Variants in CNTNAP2 observed in about 807,000 individuals in gnomAD.
CNTNAP2 encodes the protein contactin associated protein 2, also known as contactin-associated protein-like 2.
Under a neutral mutation model 155.2 loss-of-function variants are expected in CNTNAP2, and 98 were observed. The ratio of observed to expected loss-of-function variants is 0.63; its 90% confidence interval spans 0.54 to 0.75. CNTNAP2 has a LOEUF of 0.75. CNTNAP2 is among the 30% of genes least tolerant of loss of function. The pLI, the probability that CNTNAP2 is intolerant of heterozygous loss-of-function variation, is 0.00. For missense variants in CNTNAP2, 1,727 were observed against 1,688.1 expected, an observed-to-expected ratio of 1.02 and a Z score of -0.40; for synonymous variants, 651 against 631.2, an observed-to-expected ratio of 1.03 and a Z score of -0.47.
intron 3 of CNTNAP2, among the ~76,000 whole-genome samples, chr7:147,039,835 C>T (rs992480809): frequency 2.0e-5 from 3 of 152,050 alleles, no homozygotes; most frequent in African/African-American, 7.2e-5. Context: ...AAATGTAAAA[C>T]CCAAAATTAT....
chr7:148,399,600 T>C (rs1309214714), intron 22 of CNTNAP2, among the ~76,000 whole-genome samples: 5 of 152,224 alleles, frequency 3.3e-5, no homozygotes, highest in Admixed American at 3.3e-4. Context: ...AAGATAACCA[T>C]TTATTAAACT....
chr7:146,974,658 T>C (rs1797871814), intron 3 of CNTNAP2, among the ~76,000 whole-genome samples: 1 of 152,160 alleles, frequency 6.6e-6, no homozygotes, highest in Admixed American at 6.5e-5. Flanking sequence ...AGCATATTGA[T>C]GTTGGTACAT....
At chr7:148,003,499 G>A (rs1490682574) in intron 15 of CNTNAP2, among the ~76,000 whole-genome samples, 4 of 152,120 alleles carry the variant, frequency 2.6e-5, no homozygotes, top group East Asian at 1.9e-4. Flanking sequence ...CTCTGATTCC[G>A]TGAATGAGAA....
intron 10 of CNTNAP2, among the ~76,000 whole-genome samples, chr7:147,464,197 G>A (rs947903292): frequency 1.1e-4 from 17 of 152,164 alleles, no homozygotes; most frequent in Admixed American, 3.3e-4. Flanking sequence ...GCAGGGTGTG[G>A]TGGCTCACAC....
intron 10 of CNTNAP2, among the ~76,000 whole-genome samples, chr7:147,469,558 G>T (rs1198862934): frequency 1.8e-5 from 2 of 109,992 alleles, no homozygotes; most frequent in South Asian, 6.4e-4. Context: ...TCGCTCTGCC[G>T]CCCAGGCTGG....
intron 4 of CNTNAP2, among the ~76,000 whole-genome samples, chr7:147,068,324 A>G (rs1054615753): frequency 6.6e-6 from 1 of 152,166 alleles, no homozygotes; most frequent in Non-Finnish European, 1.5e-5. Flanking sequence ...AGACAAGATT[A>G]AACTCCATAA....
chr7:146,909,190 C>T (rs920173268), intron 3 of CNTNAP2, among the ~76,000 whole-genome samples: 1 of 151,260 alleles, frequency 6.6e-6, no homozygotes, highest in African/African-American at 2.4e-5. Flanking sequence ...GAGTCTAGGA[C>T]CAGATGGATT....
At chr7:147,216,284 G>A (rs1803268090) in intron 8 of CNTNAP2, among the ~76,000 whole-genome samples, 1 of 151,946 alleles carries the variant, frequency 6.6e-6, no homozygotes, top group South Asian at 2.1e-4. Context: ...ATTTTCTCAT[G>A]TGTTAATTTC....
chr7:147,759,977 C>T (rs1191734080), intron 13 of CNTNAP2, among the ~76,000 whole-genome samples: 1 of 152,048 alleles, frequency 6.6e-6, no homozygotes, highest in Non-Finnish European at 1.5e-5. Context: ...TAGTATGTTT[C>T]CAAGGATTCT....
chr7:147,679,135 A>G (rs1241033886), intron 13 of CNTNAP2, among the ~76,000 whole-genome samples: 3 of 151,914 alleles, frequency 2.0e-5, no homozygotes, highest in African/African-American at 7.2e-5. Context: ...CACTGTGAAG[A>G]GCAGAGTGAT....
intron 1 of CNTNAP2, among the ~76,000 whole-genome samples, chr7:146,427,528 C>T (rs551670949): frequency 1.3e-5 from 2 of 152,196 alleles, no homozygotes; most frequent in South Asian, 4.1e-4. Context: ...GCATTCTGAG[C>T]TTAAGGACAC....
chr7:147,866,623 T>C (rs1385932949), intron 13 of CNTNAP2, among the ~76,000 whole-genome samples: 2 of 152,218 alleles, frequency 1.3e-5, no homozygotes, highest in Admixed American at 6.5e-5. Context: ...TGGGTGCGTA[T>C]ATATTTCGGA....
At chr7:147,424,015 A>G (rs1797338804) in intron 10 of CNTNAP2, among the ~76,000 whole-genome samples, 1 of 152,276 alleles carries the variant, frequency 6.6e-6, no homozygotes, top group African/African-American at 2.4e-5. Context: ...GGGGGGAAGA[A>G]TGGAAGAATG....
Position 147,189,748 on chromosome 7 carries a change from T to G in CNTNAP2, c.1348+57239T>G, listed in dbSNP as rs66763062. ...TGGGCTCACATTAACACCACTTTTT[T>G]TTGTTGTTGTTGTTGAGACGGAGTC... On this transcript the variant is annotated intron_variant, in intron 8 of 23. Transcript: ENST00000361727. Among the ~76,000 whole-genome samples, 833 of 151,636 alleles carry G rather than the reference T, an allele frequency of 5.5e-3. 9 individuals carry two copies. Among genetic ancestry groups the G allele is most frequent in the Middle Eastern group, 0.048 (14 of 292 alleles).
chr7:147,641,079 A>G (rs761139049), intron 13 of CNTNAP2, among the ~76,000 whole-genome samples: 2 of 152,218 alleles, frequency 1.3e-5, no homozygotes, highest in East Asian at 1.9e-4. Context: ...GGGTGGACCC[A>G]GTTTCTAATG....
In CNTNAP2 at chr7:148,176,808, C is replaced by T. The variant is rs115930496; in HGVS notation, c.3010+4330C>T. Among the ~76,000 whole-genome samples the T allele has an allele frequency of 4.9e-3, 749 of 152,246 alleles. 7 individuals are homozygous for T. Among genetic ancestry groups the T allele is most frequent in the African/African-American group, 0.017 (716 of 41,556 alleles). On this transcript the variant is annotated intron_variant, in intron 18 of 23. Transcript: ENST00000361727. The stretch of plus-strand genomic sequence containing the variant: ...AATGCAGAATTCCTTGGCACCCCAT[C>T]GGCTGAGGCTGAGGGGAGAATCATC...
chr7:147,857,381 A>G (rs1203053372), intron 13 of CNTNAP2, among the ~76,000 whole-genome samples: 1 of 152,208 alleles, frequency 6.6e-6, no homozygotes, highest in Non-Finnish European at 1.5e-5. Flanking sequence ...GAGCATCTAA[A>G]TATCTACATA....
chr7:147,365,799 A>G (rs919801425), intron 9 of CNTNAP2, among the ~76,000 whole-genome samples: 6 of 152,308 alleles, frequency 3.9e-5, no homozygotes, highest in Non-Finnish European at 8.8e-5. Flanking sequence ...CATTGCTTCT[A>G]GAATCTCAGA....
At position 146,773,729 on chromosome 7, in the gene CNTNAP2, G is replaced by T. The variant is rs545834941; in HGVS notation, c.98-542G>T. ...ATTCTAGTGAGAACATGTAACATGA[G>T]ATCTGCCTTGATAAGTGTGCAATAT... On this transcript the variant is annotated intron_variant, in intron 1 of 23. Coordinates refer to ENST00000361727, the MANE Select transcript of CNTNAP2 (RefSeq NM_014141.6). Among the ~76,000 whole-genome samples, 11 of 152,278 alleles carry T rather than the reference G, an allele frequency of 7.2e-5. No individual in the cohort carries two copies. In the South Asian group the frequency reaches 2.3e-3, roughly 32 times the overall value.
Sources: allele counts gnomAD v4.1 joint callset (sites outside exome capture counted in the v4.1 genomes callset), GRCh38; gene constraint gnomAD v4.1.1; transcripts MANE v1.5; gene names NCBI Gene and HGNC (gene_info 2026-07-23, HGNC 2026-07-21).